LEMD3: variants seen among roughly 807,000 people sequenced by gnomAD.
LEMD3 encodes LEM domain containing 3.
LEMD3 carries 33 observed loss-of-function variants against 95.2 expected under a neutral mutation model. The ratio of observed to expected loss-of-function variants is 0.35; its 90% CI spans 0.26 to 0.46. LEMD3 has a LOEUF of 0.46. Ranked by LOEUF, LEMD3 falls within the 20% of genes least tolerant of loss-of-function variation. LEMD3 has a pLI of 1.00. For missense variants in LEMD3, 1,210 were observed against 1,192.8 expected (o/e 1.01, Z -0.21); for synonymous variants, 525 against 474.6 (o/e 1.11, Z -1.38).
At chr12:65,213,477 T>G (rs1424905663) in intron 2 of LEMD3, among the ~76,000 whole-genome samples, 2 of 152,176 alleles carry the variant, frequency 1.3e-5, no homozygotes, top group Non-Finnish European at 2.9e-5. Context: ...TTCTCCTGGC[T>G]CAGCCTCCCA....
chr12:65,218,698 TTTGA>T (rs2136340953), intron 4 of LEMD3, 79 bp downstream of exon 4: 1 of 845,604 alleles, frequency 1.2e-6, no homozygotes, highest in Non-Finnish European at 1.9e-6. Flanking sequence ...GAATCATATG[TTTGA>T]TTATTTTAAT....
intron 1 of LEMD3, among the ~76,000 whole-genome samples, chr12:65,203,289 A>G (rs1474807777): frequency 6.6e-6 from 1 of 152,186 alleles, no homozygotes; most frequent in Non-Finnish European, 1.5e-5. Context: ...ATGGAACACT[A>G]GACATTAATA....
At chr12:65,238,426 G>A in intron 4 of LEMD3, 76 bp from the exon 5 acceptor site, 1 of 845,930 alleles carries the variant, frequency 1.2e-6, no homozygotes, top group South Asian at 1.4e-5. Flanking sequence ...GTTATATAGA[G>A]TGTGTTATAA....
At chr12:65,180,106 G>A (rs1426123197) in intron 1 of LEMD3, among the ~76,000 whole-genome samples, 4 of 151,736 alleles carry the variant, frequency 2.6e-5, no homozygotes, top group Admixed American at 6.6e-5. Context: ...CACCACGCCC[G>A]GCTAATTTTT....
At chr12:65,204,320 T>G (rs1389617592) in intron 1 of LEMD3, among the ~76,000 whole-genome samples, 1 of 152,144 alleles carries the variant, frequency 6.6e-6, no homozygotes, top group East Asian at 1.9e-4. Context: ...TTCCTGATGC[T>G]CTCCCTCACC....
At chr12:65,218,297 C>T (rs1042537718) in intron 3 of LEMD3, among the ~76,000 whole-genome samples, 2 of 152,098 alleles carry the variant, frequency 1.3e-5, no homozygotes, top group African/African-American at 4.8e-5. Flanking sequence ...CTTGTTTGGA[C>T]TGAAATGCAT....
intron 4 of LEMD3, among the ~76,000 whole-genome samples, chr12:65,220,477 A>C (rs1870249907): frequency 6.6e-6 from 1 of 152,128 alleles, no homozygotes; most frequent in South Asian, 2.1e-4. Flanking sequence ...ACCCCTTGTC[A>C]GATATATGGT....
chr12:65,171,812 C>G (rs1257770527), intron 1 of LEMD3: 3 of 152,616 alleles, frequency 2.0e-5, no homozygotes. Flanking sequence ...CAGGTGTGTT[C>G]ATTGTCATAA....
At chr12:65,196,996 C>T (rs1869454198) in intron 1 of LEMD3, among the ~76,000 whole-genome samples, 1 of 152,124 alleles carries the variant, frequency 6.6e-6, no homozygotes, top group Non-Finnish European at 1.5e-5. Flanking sequence ...TGCTCTGAAG[C>T]ATGTGGGCAG....
chr12:65,232,297 T>C (rs1489321347), intron 4 of LEMD3, among the ~76,000 whole-genome samples: 2 of 152,124 alleles, frequency 1.3e-5, no homozygotes, highest in East Asian at 3.8e-4. Context: ...CTATTACATA[T>C]TTTCATGTAT....
rs569716437 is a variant in LEMD3, at chr12:65,213,181, G to C, written c.1560+2218G>C. On this transcript the variant is annotated intron_variant, in intron 2 of 12. Transcript: ENST00000308330. ...AATTTAGTTGGTCATTTGGATAGCAGTTGAGGCCCTTCTAGTATATAGACG... is the reference window on the plus strand; with the variant it reads ...AATTTAGTTGGTCATTTGGATAGCACTTGAGGCCCTTCTAGTATATAGACG... Among the ~76,000 whole-genome samples the C allele has an allele frequency of 9.2e-5, 14 of 152,264 alleles. No homozygotes were observed. The South Asian group carries it at 2.7e-3, about 29-fold the overall frequency.
Position 65,170,291 on chromosome 12 carries a change from C to T in LEMD3, c.695C>T (p.Pro232Leu), listed in dbSNP as rs758383183. The stretch of plus-strand genomic sequence containing the variant: ...GGAGAGGACGGTGAGGAGAGGGACC[C>T]GGAGACCGAGGAGCCGCTCTGGGCG... ...GEGEDGEERD[P>L]ETEEPLWASR... The change falls in exon 1 of 13, where the codon CCG becomes CTG. Residue 232 changes from proline to leucine, a missense_variant. This residue lies in a region of LEMD3 where 749 missense variants were observed against 622.9 expected (regional missense o/e 1.20). Coordinates refer to ENST00000308330, the MANE Select transcript of LEMD3 (RefSeq NM_014319.5). 1.9e-6 allele frequency: 3 copies of T among 1,576,340 alleles called. No individual in the cohort carries two copies. The highest frequency in any genetic ancestry group is 2.3e-5 in the East Asian group (1 of 42,642).
intron 1 of LEMD3, among the ~76,000 whole-genome samples, chr12:65,186,631 CTTTT>C (rs36112519): frequency 3.7e-5 from 3 of 80,214 alleles, no homozygotes; most frequent in Non-Finnish European, 2.8e-5. Flanking sequence ...GTTTAGATTG[CTTTT>C]TTTTTTTTTT....
intron 4 of LEMD3, among the ~76,000 whole-genome samples, chr12:65,223,367 G>T (rs1870352004): frequency 6.8e-6 from 1 of 146,038 alleles, no homozygotes. Context: ...GCAGTGGTGA[G>T]ATCATAGCTT....
At chr12:65,227,912 T>C (rs540691102) in intron 4 of LEMD3, among the ~76,000 whole-genome samples, 69 of 152,294 alleles carry the variant, frequency 4.5e-4, no homozygotes, top group Non-Finnish European at 8.7e-4. Context: ...ATCTGTTTTT[T>C]TCCCAGATAT....
At chr12:65,181,898 G>T (rs544379802) in intron 1 of LEMD3, among the ~76,000 whole-genome samples, 288 of 145,914 alleles carry the variant, frequency 2.0e-3, no homozygotes, top group African/African-American at 5.8e-3. Context: ...GAAGTGTTTT[G>T]TTTTTTTTTT....
At chr12:65,232,409 A>AC (rs1870656872) in intron 4 of LEMD3, among the ~76,000 whole-genome samples, 1 of 152,158 alleles carries the variant, frequency 6.6e-6, no homozygotes, top group African/African-American at 2.4e-5. Flanking sequence ...TAATTTTTTC[A>AC]CAACTTCTAG....
chr12:65,169,855 G>A lies in LEMD3; in HGVS notation c.259G>A (p.Ala87Thr), dbSNP rs1359893962. ...AAAGPAAAAA[A>T]GMGVRPVSGD... ...CGCGGGACCAGCGGCGGCGGCGGCCGCGGGGATGGGGGTCCGGCCGGTCTC... is the reference window on the plus strand; with the variant it reads ...CGCGGGACCAGCGGCGGCGGCGGCCACGGGGATGGGGGTCCGGCCGGTCTC... The change falls in exon 1 of 13, where the codon GCG becomes ACG. Residue 87 changes from alanine to threonine, a missense_variant. This residue lies in a region of LEMD3 where 749 missense variants were observed against 622.9 expected (regional missense o/e 1.20). Transcript: ENST00000308330. 1.8e-5 allele frequency: 26 copies of A among 1,462,074 alleles called. No individual in the cohort carries two copies. Among genetic ancestry groups the A allele is most frequent in the Non-Finnish European group, 2.4e-5 (26 of 1,105,748 alleles). The allele number at this position is 1,462,074 out of a possible 1,614,324, so 90.6% of individuals were successfully genotyped here.
intron 10 of LEMD3, chr12:65,245,312 TGTA>T (rs2136358366): frequency 1.0e-5 from 2 of 191,324 alleles, no homozygotes; most frequent in Non-Finnish European, 2.2e-5. Context: ...TTTTTTTTTT[TGTA>T]TTTTTAGTAG....
Sources: gnomAD v4.1 joint callset for allele counts (sites outside exome capture counted in the v4.1 genomes callset) on GRCh38, gnomAD v4.1.1 for gene constraint, gnomAD v4.1.1 regional missense constraint, MANE v1.5 for transcripts, NCBI Gene and HGNC (gene_info 2026-07-23, HGNC 2026-07-21) for gene names.